The following NBN variants were observed in gnomAD, a reference collection of about 807,000 sequenced individuals.
NBN encodes Nijmegen breakage syndrome 1 (nibrin).
A neutral mutation model predicts 90.8 loss-of-function variants in NBN; 88 were observed. The observed-to-expected ratio is 0.97, with a 90% CI of 0.82 to 1.16. The LOEUF (loss-of-function observed/expected upper bound fraction) is 1.16. NBN is among the 50% of genes most tolerant of loss of function. NBN has a pLI of 0.00. For synonymous variants in NBN, 328 were observed against 295.1 expected, an observed-to-expected ratio of 1.11 and a Z score of -1.14; for missense variants, 894 against 869.6, an observed-to-expected ratio of 1.03 and a Z score of -0.35.
rs1811868534 is a variant in NBN at position 89,978,283 on chromosome 8, G to A, written c.521C>T (p.Pro174Leu). Residue 174 changes from proline (P) to leucine (L), a missense_variant, in exon 5 of 16, where the codon CCA becomes CTA. Coordinates refer to ENST00000265433, the MANE Select transcript of NBN (RefSeq NM_002485.5). Reference sequence around the variant, plus strand: ...TTTCAGGAATTCAGTAAAATATTCTGGCTTTACAATTGGACGTCCACAAAT... The same window carrying A: ...TTTCAGGAATTCAGTAAAATATTCTAGCTTTACAATTGGACGTCCACAAAT... Reference protein sequence around the residue: ...ALICGRPIVKPEYFTEFLKAV... With the variant: ...ALICGRPIVKLEYFTEFLKAV... 1 of 1,598,220 alleles carries A rather than the reference G, an allele frequency of 6.3e-7. No individual in the cohort carries two copies. Among genetic ancestry groups the A allele is most frequent in the Non-Finnish European group, 8.6e-7 (1 of 1,165,954 alleles).
At chr8:89,946,388 T>C (rs1176644801) in intron 12 of NBN, 93 bp from the exon 13 acceptor site, 4 of 1,086,628 alleles carry the variant, frequency 3.7e-6, no homozygotes, top group Admixed American at 3.7e-5. Flanking sequence ...AAAGTTCAAA[T>C]ACCTGAAAAA....
chr8:89,951,020 G>C (rs964127541), intron 11 of NBN, among the ~76,000 whole-genome samples: 1 of 151,736 alleles, frequency 6.6e-6, no homozygotes, highest in Non-Finnish European at 1.5e-5. Flanking sequence ...GGAATTTAAG[G>C]GAAAAAAAGT....
chr8:89,953,030 C>T (rs891593693), intron 11 of NBN, among the ~76,000 whole-genome samples: 1 of 152,120 alleles, frequency 6.6e-6, no homozygotes, highest in South Asian at 2.1e-4. Context: ...AAAACAATCT[C>T]ATATGAAAGT....
chr8:89,970,249 C>CA (rs368497122), intron 7 of NBN, 115 bp downstream of exon 7: 57,337 of 625,014 alleles, frequency 0.092, no homozygotes, highest in East Asian at 0.11. Context: ...GACTCCGTCT[C>CA]AAAAAAAAAA....
intron 7 of NBN, among the ~76,000 whole-genome samples, chr8:89,965,870 T>C (rs1218153840): frequency 6.6e-6 from 1 of 152,132 alleles, no homozygotes; most frequent in Non-Finnish European, 1.5e-5. Flanking sequence ...CTTACTTAAA[T>C]AGGATTCAGT....
chr8:89,958,574 A>T, intron 9 of NBN, 151 bp downstream of exon 9: 1 of 971,772 alleles, frequency 1.0e-6, no homozygotes, highest in East Asian at 2.7e-5. Flanking sequence ...AAACCTGCTG[A>T]CCCTTGTCCT....
At chr8:89,964,590 C>CT (rs1370902496) in intron 7 of NBN, 83 bp from the exon 8 acceptor site, 64 of 1,326,232 alleles carry the variant, frequency 4.8e-5, no homozygotes, top group Non-Finnish European at 5.6e-5. Context: ...AAAGCAACCT[C>CT]TTTTTTTTCC....
In NBN at chr8:89,970,363, C is replaced by A. The variant is rs778306619; in HGVS notation, c.896+1G>T. ...TTTACTAATAAAGAATAATTCTATA[C>A]CTTTGGAGCATATCCATTATTGACT... is the stretch of plus-strand genomic sequence containing the variant. On this transcript the variant is annotated splice_donor_variant, in intron 7 of 15. Transcript: ENST00000265433. LOFTEE classifies it high-confidence loss of function. The A allele has an allele frequency of 2.5e-6, 4 of 1,602,240 alleles. No homozygotes were observed. Among genetic ancestry groups the A allele is most frequent in the Admixed American group, 1.7e-5 (1 of 59,980 alleles).
intron 12 of NBN, chr8:89,946,584 TATC>T (rs535873637): frequency 1.3e-4 from 45 of 334,166 alleles, no homozygotes; most frequent in Non-Finnish European, 2.1e-4. Context: ...TTCTAATAAA[TATC>T]ATCTCAGTAA....
At chr8:89,936,959 C>T (rs1003451520) in intron 15 of NBN, 67 bp downstream of exon 15, 1 of 1,287,032 alleles carries the variant, frequency 7.8e-7, no homozygotes, top group African/African-American at 1.5e-5. Flanking sequence ...TTCTTAATTT[C>T]TATGAACAGA....
At chr8:89,948,290 T>C (rs1438641838) in intron 11 of NBN, among the ~76,000 whole-genome samples, 3 of 152,184 alleles carry the variant, frequency 2.0e-5, no homozygotes, top group Non-Finnish European at 2.9e-5. Flanking sequence ...CTGTAGATGG[T>C]AGGATTATCA....
At chr8:89,957,233 T>G (rs962354915) in intron 9 of NBN, among the ~76,000 whole-genome samples, 2 of 152,208 alleles carry the variant, frequency 1.3e-5, no homozygotes, top group Non-Finnish European at 2.9e-5. Context: ...TGGGACAGGA[T>G]GTGGCAATGA....
intron 14 of NBN, among the ~76,000 whole-genome samples, chr8:89,943,000 T>A (rs1810017661): frequency 6.6e-6 from 1 of 152,058 alleles, no homozygotes; most frequent in African/African-American, 2.4e-5. Flanking sequence ...TATCTCCCCC[T>A]TTTCATTAGG....
chr8:89,978,819 G>C (rs1811901912), intron 4 of NBN, among the ~76,000 whole-genome samples: 2 of 151,662 alleles, frequency 1.3e-5, no homozygotes, highest in African/African-American at 4.8e-5. Flanking sequence ...AATAATTTTT[G>C]GTAAAAGCAC....
intron 2 of NBN, 150 bp downstream of exon 2, chr8:89,982,572 T>G: frequency 1.4e-6 from 1 of 707,970 alleles, no homozygotes. Flanking sequence ...TGCCACAATA[T>G]AAGTATTTAA....
intron 9 of NBN, among the ~76,000 whole-genome samples, chr8:89,958,520 C>A (rs552002750): frequency 1.3e-5 from 2 of 152,288 alleles, no homozygotes; most frequent in East Asian, 3.9e-4. Flanking sequence ...CAGAGATCAA[C>A]AGTCTTCAAA....
intron 15 of NBN, 26 bp from the exon 16 acceptor site, chr8:89,935,638 T>C (rs1311863808): frequency 1.9e-6 from 3 of 1,602,546 alleles, no homozygotes; most frequent in South Asian, 2.2e-5. Flanking sequence ...TGGGGTTAAA[T>C]GATATTTAGA....
At position 89,946,183 on chromosome 8, in the gene NBN, T is replaced by C. The variant is rs1404296922; in HGVS notation, c.2027A>G (p.Asn676Ser). 1.9e-6 allele frequency: 3 copies of C among 1,602,708 alleles called. No individual in the cohort carries two copies. Among genetic ancestry groups the C allele is most frequent in the Non-Finnish European group, 2.6e-6 (3 of 1,170,216 alleles). The change falls in exon 13 of 16, where the codon AAT becomes AGT. Residue 676 changes from asparagine to serine, a missense_variant. By Grantham distance (46) the Asn-to-Ser change is conservative. Coordinates refer to ENST00000265433, the MANE Select transcript of NBN (RefSeq NM_002485.5). ...ATTTTTTAGTTGACCATAATCATCATTTATGCCAGATGGATTTCTGGAAGT... is the reference window on the plus strand; with the variant it reads ...ATTTTTTAGTTGACCATAATCATCACTTATGCCAGATGGATTTCTGGAAGT... ...NSTSRNPSGI[N>S]DDYGQLKNFK... is the part of the protein sequence containing the mutation.
Position 89,933,890 on chromosome 8 carries a change from T to C in NBN, c.*1692A>G, listed in dbSNP as rs13312986. On this transcript the variant is annotated 3_prime_UTR_variant, in exon 16 of 16. Coordinates refer to ENST00000265433, the MANE Select transcript of NBN (RefSeq NM_002485.5). ...AGAATTTCTATGACCCAATTATAGC[T>C]ATCAGGGATATACAAATTAAAACCA... is the stretch of plus-strand genomic sequence containing the variant. 8,780 of 232,162 alleles carry C rather than the reference T, an allele frequency of 0.038. 456 individuals are homozygous for C. Among genetic ancestry groups the C allele is most frequent in the East Asian group, 0.19 (3,064 of 16,326 alleles). The allele number at this position is 232,162 out of a possible 1,614,324, so 14.4% of individuals were successfully genotyped here. A position where few individuals can be genotyped will look rare whatever the true frequency, so the allele number is the denominator to read the frequency against.
Sources: gnomAD v4.1 joint callset for allele counts (sites outside exome capture counted in the v4.1 genomes callset) on GRCh38, gnomAD v4.1.1 for gene constraint, MANE v1.5 for transcripts, NCBI Gene and HGNC (gene_info 2026-07-23, HGNC 2026-07-21) for gene names.